The following PRRC2C variants were observed in gnomAD, a reference collection of about 807,000 sequenced individuals.
PRRC2C encodes protein PRRC2C.
In PRRC2C, 72 loss-of-function variants were observed where a neutral mutation model predicts 317.2. The observed-to-expected ratio is 0.23, with a 90% confidence interval of 0.19 to 0.28. PRRC2C has a LOEUF of 0.28. PRRC2C is among the 10% of genes least tolerant of loss of function. PRRC2C has a pLI of 1.00. For missense variants in PRRC2C, 3,074 were observed against 3,459.7 expected (o/e 0.89, Z 2.80); for synonymous variants, 1,296 against 1,205.9 (o/e 1.07, Z -1.55).
intron 2 of PRRC2C, 102 bp from the exon 3 acceptor site, chr1:171,512,889 ATCAT>A (rs2102255516): frequency 2.0e-6 from 2 of 993,746 alleles, no homozygotes; most frequent in Non-Finnish European, 2.8e-6. Flanking sequence ...ATGAATGAAA[ATCAT>A]TCAGGGATTG....
rs1673719982 is a variant in PRRC2C at position 171,522,237 on chromosome 1, CCTT to C, written c.815_817del (p.Ser272del). The C allele has an allele frequency of 1.9e-6, 3 of 1,587,752 alleles. No individual in the cohort carries two copies. The highest frequency in any genetic ancestry group is 2.6e-6 in the Non-Finnish European group (3 of 1,157,098). ...TCTACATGGTCCCATGAGATTCCCA[CCTT>C]CTTTATCTGAAACAAACAAGTAAGG... On this transcript the variant is annotated inframe_deletion, in exon 7 of 35. Coordinates refer to ENST00000647382, the MANE Select transcript of PRRC2C (RefSeq NM_001387844.1).
intron 4 of PRRC2C, among the ~76,000 whole-genome samples, chr1:171,515,396 G>A (rs1330613890): frequency 2.0e-5 from 3 of 152,166 alleles, no homozygotes; most frequent in African/African-American, 7.2e-5. Context: ...TGATTTGAAC[G>A]AATTCTGAGA....
Position 171,540,432 on chromosome 1 carries a change from C to T in PRRC2C, c.2966C>T (p.Ser989Phe). 6.2e-7 allele frequency: 1 copy of T among 1,612,734 alleles called. No homozygotes were observed. The highest frequency in any genetic ancestry group is 8.5e-7 in the Non-Finnish European group (1 of 1,179,444). The change falls in exon 16 of 35, where the codon TCT (serine) becomes TTT (phenylalanine). Residue 989 changes from serine (S) to phenylalanine (F), a missense_variant. Coordinates refer to ENST00000647382, the MANE Select transcript of PRRC2C (RefSeq NM_001387844.1). The part of the protein sequence containing the change: ...EGPKPEKVYK[S>F]KSETRWGPRP... ...CCAAAACCTGAAAAAGTATATAAAT[C>T]TAAATCAGAAACTCGTTGGGGCCCA...
intron 18 of PRRC2C, among the ~76,000 whole-genome samples, chr1:171,554,808 A>G (rs920670456): frequency 3.0e-4 from 45 of 152,166 alleles, no homozygotes; most frequent in African/African-American, 1.0e-3. Context: ...CTTCTGGCTT[A>G]TAGAGTTTCT....
intron 1 of PRRC2C, among the ~76,000 whole-genome samples, chr1:171,502,438 C>T (rs1352797867): frequency 6.6e-6 from 1 of 152,140 alleles, no homozygotes; most frequent in Non-Finnish European, 1.5e-5. Context: ...TAACTCCTGT[C>T]CCCTTTTCAG....
chr1:171,489,558 G>A (rs1359230430), intron 1 of PRRC2C, among the ~76,000 whole-genome samples: 8 of 152,182 alleles, frequency 5.3e-5, no homozygotes, highest in Admixed American at 5.2e-4. Context: ...GTGAAGCTGT[G>A]ATGTCTAAGA....
intron 1 of PRRC2C, among the ~76,000 whole-genome samples, chr1:171,491,415 G>A (rs576650384): frequency 6.6e-6 from 1 of 152,302 alleles, no homozygotes; most frequent in Admixed American, 6.5e-5. Context: ...CCTCGCAGAG[G>A]GAACTGTGCC....
Position 171,540,448 on chromosome 1 carries a change from T to G in PRRC2C, c.2982T>G (p.Arg994=). ...TATATAAATCTAAATCAGAAACTCG[T>G]TGGGGCCCACGACCAAGCTCTAACA... The part of the protein sequence containing the change: ...EKVYKSKSET[R]WGPRPSSNRR... Residue 994 remains arginine (R), a synonymous_variant, in exon 16 of 35, where the codon CGT becomes CGG. Coordinates refer to ENST00000647382, the MANE Select transcript of PRRC2C (RefSeq NM_001387844.1). 6.2e-7 allele frequency: 1 copy of G among 1,613,160 alleles called. No individual in the cohort carries two copies. Among genetic ancestry groups the G allele is most frequent in the Non-Finnish European group, 8.5e-7 (1 of 1,179,580 alleles).
rs1165921508 is a variant in PRRC2C at position 171,541,578 on chromosome 1, C to T, written c.4112C>T (p.Ala1371Val). The T allele has an allele frequency of 3.7e-6, 6 of 1,613,816 alleles. No homozygotes were observed. ...CGCCCTTCCACTTTACGAAGACCAG[C>T]TTATCGGGACAATCAGTGGAACCCA... ...PSRPSTLRRP[A>V]YRDNQWNPRQ... Residue 1371 changes from alanine to valine, a missense_variant, in exon 16 of 35, where the codon GCT (alanine) becomes GTT (valine). Ala to Val is a moderately conservative substitution (Grantham distance 64). This residue lies in a region of PRRC2C where 1,320 missense variants were observed against 1,395.7 expected (regional missense o/e 0.95). Coordinates refer to ENST00000647382, the MANE Select transcript of PRRC2C (RefSeq NM_001387844.1). This position sits in a 1 kb window ranked among gnomAD's most constrained non-coding sequence, Gnocchi z 4.1.
intron 28 of PRRC2C, among the ~76,000 whole-genome samples, chr1:171,581,487 C>CT: frequency 6.6e-6 from 1 of 152,130 alleles, no homozygotes; most frequent in Non-Finnish European, 1.5e-5. Flanking sequence ...GGAAGATATA[C>CT]TTTTTAAGAC....
chr1:171,489,955 C>T lies in PRRC2C; in HGVS notation c.-58+4220C>T, dbSNP rs866391328. ...TCTTTTTTTAGATGGAGTCTCACTCCGTTGCCCAGGCTGGAGTGCAGTGGC... is the reference window on the plus strand; with the variant it reads ...TCTTTTTTTAGATGGAGTCTCACTCTGTTGCCCAGGCTGGAGTGCAGTGGC... On this transcript the variant is annotated intron_variant, in intron 1 of 34. Coordinates refer to ENST00000647382, the MANE Select transcript of PRRC2C (RefSeq NM_001387844.1). Among the ~76,000 whole-genome samples the T allele has an allele frequency of 1.4e-4, 22 of 152,048 alleles. No individual in the cohort carries two copies. The South Asian group carries it at 4.4e-3, about 30-fold the overall frequency.
intron 28 of PRRC2C, 28 bp from the exon 29 acceptor site, chr1:171,583,928 C>T: frequency 6.4e-7 from 1 of 1,562,746 alleles, no homozygotes; most frequent in African/African-American, 1.4e-5. Context: ...TAACTTCTAA[C>T]AATATTTTCT....
chr1:171,587,101 A>G lies in PRRC2C; in HGVS notation c.7848A>G (p.Leu2616=). ...IALPQTLQPP[L]QHTTPQAQAQ... ...TGCCTCAGACTCTTCAGCCCCCATTACAGCATACCACTCCCCAAGCACAGG... is the reference window on the plus strand; with the variant it reads ...TGCCTCAGACTCTTCAGCCCCCATTGCAGCATACCACTCCCCAAGCACAGG... The change falls in exon 31 of 35, where the codon TTA becomes TTG. Residue 2616 remains leucine (L), a synonymous_variant. Coordinates refer to ENST00000647382, the MANE Select transcript of PRRC2C (RefSeq NM_001387844.1). 6.2e-7 allele frequency: 1 copy of G among 1,611,950 alleles called. No homozygotes were observed. The highest frequency in any genetic ancestry group is 2.2e-5 in the East Asian group (1 of 44,812).
intron 20 of PRRC2C, among the ~76,000 whole-genome samples, chr1:171,565,250 C>G (rs866438821): frequency 6.6e-6 from 1 of 152,168 alleles, no homozygotes; most frequent in Non-Finnish European, 1.5e-5. Flanking sequence ...CTTCTAGATT[C>G]AATGTCAGTG....
At chr1:171,574,504 A>G (rs1339237951) in intron 24 of PRRC2C, among the ~76,000 whole-genome samples, 2 of 152,216 alleles carry the variant, frequency 1.3e-5, no homozygotes, top group Non-Finnish European at 2.9e-5. Context: ...AAGCATTTCT[A>G]TTGCACCCAA....
chr1:171,527,933 T>C (rs1674962165), intron 11 of PRRC2C, 89 bp downstream of exon 11: 3 of 1,082,840 alleles, frequency 2.8e-6, no homozygotes, highest in Admixed American at 4.3e-5. Context: ...TTCAAAACTT[T>C]TATGAAACAG....
intron 16 of PRRC2C, among the ~76,000 whole-genome samples, chr1:171,542,459 G>A (rs1274537484): frequency 6.6e-6 from 1 of 152,162 alleles, no homozygotes; most frequent in African/African-American, 2.4e-5. Context: ...GAGTTCTCTT[G>A]GAAACTTGTA....
In PRRC2C at chr1:171,571,334, C is replaced by T. The variant is rs757353707; in HGVS notation, c.6666C>T (p.Asn2222=). 1.2e-6 allele frequency: 2 copies of T among 1,609,118 alleles called. No homozygotes were observed. The highest frequency in any genetic ancestry group is 2.2e-5 in the South Asian group (2 of 90,938). Reference sequence around the variant, plus strand: ...TACCTTTTCAGGTGCCCCTGCCCAACACCCTTCCCCTCCCTAAGAGGGAGA... The same window carrying T: ...TACCTTTTCAGGTGCCCCTGCCCAATACCCTTCCCCTCCCTAAGAGGGAGA... ...DTLVNNVPLP[N]TLPLPKRETI... Residue 2222 remains asparagine, a synonymous_variant, in exon 24 of 35, where the codon AAC becomes AAT. Transcript: ENST00000647382.
At chr1:171,563,713 T>G (rs911343479) in intron 20 of PRRC2C, among the ~76,000 whole-genome samples, 3 of 152,200 alleles carry the variant, frequency 2.0e-5, no homozygotes, top group Admixed American at 2.0e-4. Context: ...TCATCTGTTT[T>G]GATGTTACAG....
Sources: gnomAD v4.1 joint callset for allele counts (sites outside exome capture counted in the v4.1 genomes callset) on GRCh38, gnomAD v4.1.1 for gene constraint, gnomAD v4.1.1 regional missense constraint, Gnocchi (gnomAD v3.1) non-coding constraint, MANE v1.5 for transcripts, NCBI Gene and HGNC (gene_info 2026-07-23, HGNC 2026-07-21) for gene names.